The following HK3 variants were observed in gnomAD, a reference collection of about 807,000 sequenced individuals.
HK3 encodes the protein hexokinase 3.
Under a neutral mutation model 91.0 loss-of-function variants are expected in HK3, and 93 were observed. That is an observed-to-expected ratio of 1.02 (90% confidence interval 0.86 to 1.21). The LOEUF (loss-of-function observed/expected upper bound fraction) is 1.21. Among genes scored for constraint, HK3 ranks in the 50% most tolerant of loss-of-function variants. HK3 has a pLI of 0.00. For synonymous variants in HK3, 519 were observed against 516.9 expected, an observed-to-expected ratio of 1.00 and a Z score of -0.06; for missense variants, 1,235 against 1,247.4, an observed-to-expected ratio of 0.99 and a Z score of 0.15.
At chr5:176,896,901 C>T (rs540899212) in intron 1 of HK3, among the ~76,000 whole-genome samples, 1 of 147,894 alleles carries the variant, frequency 6.8e-6, no homozygotes, top group South Asian at 2.1e-4. Context: ...TAGAATAACA[C>T]CTGGGGAAAT....
rs772217261 is a variant in HK3 at position 176,883,798 on chromosome 5, G to A, written c.2025C>T (p.Asp675=). ...CAATGAGGCCTATCTCGCAACGGGG[G>A]TCCTCATAGCCACAGGACATCATGG... ...VGTMMSCGYE[D]PRCEIGLIVG... The change falls in exon 15 of 19, where the codon GAC becomes GAT. Residue 675 remains aspartate (D), a synonymous_variant. Transcript: ENST00000292432. The A allele has an allele frequency of 6.2e-7, 1 of 1,614,030 alleles. No individual in the cohort carries two copies. The highest frequency in any genetic ancestry group is 8.5e-7 in the Non-Finnish European group (1 of 1,179,994).
intron 2 of HK3, among the ~76,000 whole-genome samples, chr5:176,892,077 A>G (rs1437052634): frequency 6.6e-6 from 1 of 152,158 alleles, no homozygotes; most frequent in Admixed American, 6.5e-5. Flanking sequence ...ATCCTTCCCA[A>G]AACATTGCTC....
chr5:176,887,837 A>C lies in HK3; in HGVS notation c.1305-91T>G. ...CTTGGCCCTGGACCCCCAGATACAT[A>C]CAGGTGTGCCCAGCTTGGCCCCAGA... On this transcript the variant is annotated intron_variant, in intron 10 of 18. Transcript: ENST00000292432. The surrounding 1 kb of genome is among the most constrained non-coding windows in gnomAD (Gnocchi z 4.9). 7.2e-7 allele frequency: 1 copy of C among 1,381,562 alleles called. No individual in the cohort carries two copies. The highest frequency in any genetic ancestry group is 9.9e-7 in the Non-Finnish European group (1 of 1,011,954). 85.6% of individuals were successfully genotyped at this position (1,381,562 alleles called of 1,614,324 possible).
rs781200940 is a variant in HK3, at chr5:176,884,061, C to T, written c.1931G>A (p.Arg644Gln). ...CEGQDVVSLLREAITRRQAVE... is the reference protein window; with the variant it reads ...CEGQDVVSLLQEAITRRQAVE... ...TACCTGTCTGCGAGTGATGGCTTCCCGCAACAGACTCACGACATCTTGGCC... is the reference window on the plus strand; with the variant it reads ...TACCTGTCTGCGAGTGATGGCTTCCTGCAACAGACTCACGACATCTTGGCC... Residue 644 changes from arginine (R) to glutamine (Q), a missense_variant, in exon 14 of 19, where the codon CGG becomes CAG. Coordinates refer to ENST00000292432, the MANE Select transcript of HK3 (RefSeq NM_002115.3). This position sits in a 1 kb window ranked among gnomAD's most constrained non-coding sequence, Gnocchi z 4.1. The T allele has an allele frequency of 1.3e-5, 21 of 1,613,996 alleles. No individual in the cohort carries two copies. Among genetic ancestry groups the T allele is most frequent in the African/African-American group, 2.7e-5 (2 of 74,938 alleles).
At chr5:176,889,790 G>C (rs1270236658) in intron 6 of HK3, 46 bp from the exon 7 acceptor site, 8 of 1,556,500 alleles carry the variant, frequency 5.1e-6, no homozygotes, top group Non-Finnish European at 7.1e-6. Context: ...TGAGTGGCCA[G>C]AGGAGGGAAT....
At chr5:176,882,460 G>C (rs991887302) in intron 15 of HK3, among the ~76,000 whole-genome samples, 2 of 152,248 alleles carry the variant, frequency 1.3e-5, no homozygotes, top group Non-Finnish European at 2.9e-5. Context: ...GCTCTCTGCG[G>C]TTGAGAGGCC....
intron 2 of HK3, among the ~76,000 whole-genome samples, chr5:176,895,076 CTT>C (rs35622796): frequency 4.5e-4 from 51 of 113,708 alleles, no homozygotes; most frequent in African/African-American, 1.6e-3. Context: ...TGCGCCCGGA[CTT>C]TTTTTTTTTT....
chr5:176,897,480 C>T (rs34468066), intron 1 of HK3, among the ~76,000 whole-genome samples: 3 of 152,052 alleles, frequency 2.0e-5, no homozygotes, highest in African/African-American at 4.8e-5. Context: ...TACCTTCCCA[C>T]CCCTACACTC....
Position 176,891,104 on chromosome 5 carries a change from T to C in HK3, c.347A>G (p.His116Arg), listed in dbSNP as rs369230456. The change falls in exon 4 of 19, where the codon CAT becomes CGT. Residue 116 changes from histidine (H) to arginine (R), a missense_variant. Physicochemically the swap from His to Arg is conservative, Grantham distance 29. This residue lies in a region of HK3 where 717 missense variants were observed against 751.6 expected (regional missense o/e 0.95). Coordinates refer to ENST00000292432, the MANE Select transcript of HK3 (RefSeq NM_002115.3). ...CTCCTGGCTTCTGGGCTCCACCCTATGCCCCTCAATGCCAGTTAGAGTCAC... is the reference window on the plus strand; with the variant it reads ...CTCCTGGCTTCTGGGCTCCACCCTACGCCCCTCAATGCCAGTTAGAGTCAC... ...LWVTLTGIEGHRVEPRSQEFV... is the reference protein window; with the variant it reads ...LWVTLTGIEGRRVEPRSQEFV... 34 of 1,614,014 alleles carry C rather than the reference T, an allele frequency of 2.1e-5. No homozygotes were observed. The African/African-American group carries it at 2.8e-4, about 13-fold the overall frequency.
At chr5:176,894,934 G>C (rs1338227786) in intron 2 of HK3, among the ~76,000 whole-genome samples, 1 of 151,282 alleles carries the variant, frequency 6.6e-6, no homozygotes, top group African/African-American at 2.4e-5. Context: ...CTGCCACCAT[G>C]CCCAGCTAAT....
chr5:176,898,247 AG>A (rs1439401389), intron 1 of HK3, among the ~76,000 whole-genome samples: 1 of 152,214 alleles, frequency 6.6e-6, no homozygotes, highest in Non-Finnish European at 1.5e-5. Context: ...TGGCCGGCAC[AG>A]GGTCTGGTAT....
In HK3 at chr5:176,890,942, C is replaced by G. The variant is rs754646703; in HGVS notation, c.415-1G>C. 5.0e-6 allele frequency: 8 copies of G among 1,614,068 alleles called. No individual in the cohort carries two copies. The highest frequency in any genetic ancestry group is 1.7e-5 in the Admixed American group (1 of 60,026). On this transcript the variant is annotated splice_acceptor_variant, in intron 4 of 18. Transcript: ENST00000292432. LOFTEE classifies it high-confidence loss of function. ...GGCAGTGGGCAGCAAAGTCAAAGAG[C>G]TGCAGGAGAAGTGGGGGGGCTCAGC...
chr5:176,881,653 A>G (rs769617458), intron 17 of HK3, 39 bp downstream of exon 17: 4 of 1,609,302 alleles, frequency 2.5e-6, no homozygotes, highest in African/African-American at 2.7e-5. Context: ...GGACAGAAAG[A>G]CCCCCTGAAG....
In HK3 at chr5:176,891,386, A is replaced by G. The variant is rs765845097; in HGVS notation, c.259+2T>C. 6.2e-7 allele frequency: 1 copy of G among 1,612,410 alleles called. No homozygotes were observed. The highest frequency in any genetic ancestry group is 1.7e-5 in the Admixed American group (1 of 59,906). On this transcript the variant is annotated splice_donor_variant, in intron 3 of 18. Coordinates refer to ENST00000292432, the MANE Select transcript of HK3 (RefSeq NM_002115.3). LOFTEE classifies it high-confidence loss of function. ...CCACGCATCTCAATCTATGATACCC[A>G]CCAGTGCCATGTGGGGTGGACCCCA...
At chr5:176,895,367 G>T (rs576802553) in intron 2 of HK3, among the ~76,000 whole-genome samples, 1 of 152,188 alleles carries the variant, frequency 6.6e-6, no homozygotes, top group Admixed American at 6.5e-5. Flanking sequence ...GTGAGCCACC[G>T]CGCCCGGCCA....
intron 15 of HK3, among the ~76,000 whole-genome samples, chr5:176,883,263 C>A (rs991695059): frequency 2.6e-5 from 4 of 152,186 alleles, no homozygotes; most frequent in Non-Finnish European, 2.9e-5. Context: ...AGGATGGAAT[C>A]TTGGACTGTC....
At chr5:176,896,382 A>C (rs146046878) in intron 1 of HK3, among the ~76,000 whole-genome samples, 197 bp from the exon 2 acceptor site, 58 of 152,310 alleles carry the variant, frequency 3.8e-4, no homozygotes, top group African/African-American at 1.4e-3. Flanking sequence ...CTAATGAGAG[A>C]GCACTGGAAA....
rs761811689 is a variant in HK3 at position 176,887,149 on chromosome 5, G to A, written c.1738-28C>T. On this transcript the variant is annotated intron_variant, in intron 12 of 18. Coordinates refer to ENST00000292432, the MANE Select transcript of HK3 (RefSeq NM_002115.3). This position sits in a 1 kb window ranked among gnomAD's most constrained non-coding sequence, Gnocchi z 4.9. ...GTGGGGCAGGACAGGTCAGGCGTAG[G>A]CACTGCTCAGCCCTTCCCCACCTCT... is the stretch of plus-strand genomic sequence containing the variant. The A allele has an allele frequency of 6.2e-7, 1 of 1,614,190 alleles. No homozygotes were observed. Among genetic ancestry groups the A allele is most frequent in the East Asian group, 2.2e-5 (1 of 44,882 alleles).
Position 176,881,117 on chromosome 5 carries a change from C to T in HK3, c.2728G>A (p.Val910Ile). Residue 910 changes from valine to isoleucine, a missense_variant, in exon 19 of 19, where the codon GTC becomes ATC. Physicochemically the swap from Val to Ile is conservative, Grantham distance 29. Coordinates refer to ENST00000292432, the MANE Select transcript of HK3 (RefSeq NM_002115.3). Reference protein sequence around the residue: ...EDGSGKGAALVTAVACRLAQL... With the variant: ...EDGSGKGAALITAVACRLAQL... ...GCAAGGCGGCAGGCAACAGCGGTGA[C>T]CAGGGCCGCACCTTTGCCGGACCCA... 1 of 1,612,768 alleles carries T rather than the reference C, an allele frequency of 6.2e-7. No homozygotes were observed. The highest frequency in any genetic ancestry group is 8.5e-7 in the Non-Finnish European group (1 of 1,179,826).
Sources: allele counts gnomAD v4.1 joint callset (sites outside exome capture counted in the v4.1 genomes callset), GRCh38; gene constraint gnomAD v4.1.1; regional missense constraint gnomAD v4.1.1; non-coding constraint Gnocchi (gnomAD v3.1); transcripts MANE v1.5; gene names NCBI Gene and HGNC (gene_info 2026-07-23, HGNC 2026-07-21).